Variants in GPHN observed in about 807,000 individuals in gnomAD.
GPHN encodes the protein gephyrin.
In GPHN, 17 loss-of-function variants were observed where a neutral mutation model predicts 95.5. The observed-to-expected ratio is 0.18, with a 90% CI of 0.12 to 0.27. The LOEUF is 0.27. Ranked by LOEUF, GPHN falls within the 10% of genes least tolerant of loss-of-function variation. The probability of loss-of-function intolerance (pLI) is 1.00; values close to 1 mark genes in which losing one functional copy is unlikely to be tolerated. For missense variants in GPHN, 660 were observed against 978.1 expected (o/e 0.67, Z 4.34); for synonymous variants, 320 against 322.5 (o/e 0.99, Z 0.08).
the GPHN span, chr14:67,352,850 C>CA: frequency 1.5e-5 from 11 of 715,872 alleles, no homozygotes; most frequent in Non-Finnish European, 1.7e-5. Context: ...ATAACAACAA[C>CA]AAAAAAAAAA....
chr14:67,005,088 CT>C (rs879932712), intron 9 of GPHN, among the ~76,000 whole-genome samples: 652 of 138,732 alleles, frequency 4.7e-3, no homozygotes, highest in Middle Eastern at 7.4e-3. Context: ...GGAATTTGGT[CT>C]TTTTTTTTTT....
intron 17 of GPHN, among the ~76,000 whole-genome samples, chr14:67,140,684 T>A (rs996243964): frequency 9.2e-5 from 14 of 152,212 alleles, no homozygotes; most frequent in Non-Finnish European, 2.1e-4. Context: ...GTGTTTGGGA[T>A]GTTTTTTCCA....
rs1177817698 is a variant in GPHN at position 67,002,309 on chromosome 14, C to CTTTTTTTTTTTT, written c.964-21311_964-21300dup. 2.4e-4 allele frequency among the ~76,000 whole-genome samples: 14 copies of CTTTTTTTTTTTT among 58,762 alleles called. 1 individual carries two copies. Among genetic ancestry groups the CTTTTTTTTTTTT allele is most frequent in the Non-Finnish European group, 3.1e-4 (10 of 31,854 alleles). The allele number at this position is 58,762 out of a possible 152,430, so 38.6% of individuals were successfully genotyped here. A position where few individuals can be genotyped will look rare whatever the true frequency, so the allele number is the denominator to read the frequency against. ...TCATGTTTGGAAATTCTTTGTGTTG[C>CTTTTTTTTTTTT]TTTTTTTTTTTTTTTTTTTTTTTTG... is the stretch of plus-strand genomic sequence containing the variant. On this transcript the variant is annotated intron_variant, in intron 9 of 22. Transcript: ENST00000478722.
chr14:66,996,250 A>G, intron 9 of GPHN: 1 of 1,307,178 alleles, frequency 7.7e-7, no homozygotes, highest in East Asian at 2.5e-5. Flanking sequence ...TTACATGGTC[A>G]ATAACATGCT....
At chr14:67,285,716 A>G in the GPHN span, among the ~76,000 whole-genome samples, 2 of 152,076 alleles carry the variant, frequency 1.3e-5, no homozygotes, top group African/African-American at 4.8e-5. Context: ...AATCTTCCAC[A>G]TGGTTACCCA....
intron 18 of GPHN, among the ~76,000 whole-genome samples, chr14:67,155,383 T>C (rs74407588): frequency 1.7e-3 from 257 of 152,304 alleles, no homozygotes; most frequent in Non-Finnish European, 3.1e-3. Context: ...GGCTTCAATC[T>C]GAAAAGTTGC....
intron 2 of GPHN, among the ~76,000 whole-genome samples, chr14:66,750,502 A>G (rs2153447448): frequency 6.6e-6 from 1 of 152,080 alleles, no homozygotes; most frequent in Non-Finnish European, 1.5e-5. Flanking sequence ...TAGAGAGGAA[A>G]ATACATAAAT....
chr14:67,660,655 G>C, the GPHN span, among the ~76,000 whole-genome samples: 3 of 151,764 alleles, frequency 2.0e-5, no homozygotes, highest in Non-Finnish European at 4.4e-5. Flanking sequence ...ACCCAGAGCA[G>C]TCTGCTTTAG....
chr14:67,643,618 G>T, the GPHN span, among the ~76,000 whole-genome samples: 240 of 152,268 alleles, frequency 1.6e-3, 2 homozygotes, highest in Admixed American at 4.4e-3. Context: ...GAGCCCAGGA[G>T]TTTGAGGCCA....
intron 17 of GPHN, among the ~76,000 whole-genome samples, chr14:67,135,777 C>A (rs2080042863): frequency 1.3e-5 from 2 of 151,890 alleles, no homozygotes; most frequent in Admixed American, 6.6e-5. Flanking sequence ...TAAAATTTTC[C>A]TCTTTTCCCC....
chr14:66,830,851 A>G (rs888483507), intron 4 of GPHN, among the ~76,000 whole-genome samples: 1 of 152,036 alleles, frequency 6.6e-6, no homozygotes, highest in Admixed American at 6.6e-5. Context: ...TTTTCATGAA[A>G]ATGTCAGTTT....
chr14:67,677,605 C>G, the GPHN span: 3 of 151,854 alleles, frequency 2.0e-5, no homozygotes, highest in Admixed American at 2.0e-4. Context: ...TACCCATGTG[C>G]TCTTGGTGGG....
chr14:67,180,494 G>A (rs1229530237), intron 22 of GPHN, among the ~76,000 whole-genome samples: 1 of 152,074 alleles, frequency 6.6e-6, no homozygotes, highest in Non-Finnish European at 1.5e-5. Flanking sequence ...TTTTTTTAAA[G>A]CCTCCCTTTT....
intron 3 of GPHN, among the ~76,000 whole-genome samples, chr14:66,793,088 G>A (rs550177434): frequency 2.6e-4 from 39 of 152,332 alleles, no homozygotes; most frequent in African/African-American, 7.7e-4. Flanking sequence ...ACCTTCCGGC[G>A]TGGGCCTTAC....
At chr14:66,757,344 A>ACG (rs2058595126) in intron 2 of GPHN, among the ~76,000 whole-genome samples, 1 of 134,492 alleles carries the variant, frequency 7.4e-6, no homozygotes, top group South Asian at 2.3e-4. Flanking sequence ...ATATATATAC[A>ACG]CGCACACACA....
chr14:66,937,166 G>C (rs2067171172), intron 8 of GPHN, among the ~76,000 whole-genome samples: 1 of 151,978 alleles, frequency 6.6e-6, no homozygotes, highest in African/African-American at 2.4e-5. Context: ...ACCATGCCCA[G>C]CTAATTTTTG....
the GPHN span, among the ~76,000 whole-genome samples, chr14:67,536,577 G>C: frequency 6.6e-6 from 1 of 151,822 alleles, no homozygotes; most frequent in Non-Finnish European, 1.5e-5. Context: ...TTTGAGGCCT[G>C]TGGTGACCTC....
At chr14:66,951,211 G>C (rs571397528) in intron 8 of GPHN, among the ~76,000 whole-genome samples, 1 of 151,922 alleles carries the variant, frequency 6.6e-6, no homozygotes, top group African/African-American at 2.4e-5. Flanking sequence ...AGTGGTGTGC[G>C]TGTGTTTAAT....
chr14:67,172,158 A>G (rs913167967), intron 21 of GPHN, among the ~76,000 whole-genome samples: 2 of 152,082 alleles, frequency 1.3e-5, no homozygotes, highest in Admixed American at 6.5e-5. Context: ...CTACCCCAAC[A>G]CTGTGGCCTA....
Sources: allele counts gnomAD v4.1 joint callset (sites outside exome capture counted in the v4.1 genomes callset), GRCh38; gene constraint gnomAD v4.1.1; transcripts MANE v1.5; gene names NCBI Gene and HGNC (gene_info 2026-07-23, HGNC 2026-07-21).